Variants in CAMK1D observed in about 807,000 individuals in gnomAD.
The protein encoded by CAMK1D is calcium/calmodulin-dependent protein kinase type 1D.
A neutral mutation model predicts 47.7 loss-of-function variants in CAMK1D; 9 were observed. The observed-to-expected ratio is 0.19, with a 90% CI of 0.11 to 0.33. The LOEUF (loss-of-function observed/expected upper bound fraction) is 0.33. Ranked by LOEUF, CAMK1D falls within the 10% of genes least tolerant of loss-of-function variation. The probability of loss-of-function intolerance (pLI) is 1.00; values close to 1 mark genes in which losing one functional copy is unlikely to be tolerated. For synonymous variants in CAMK1D, 184 were observed against 184.9 expected, an observed-to-expected ratio of 0.99 and a Z score of 0.04; for missense variants, 291 against 488.7, an observed-to-expected ratio of 0.60 and a Z score of 3.81.
chr10:12,380,877 C>T (rs1261709085), intron 1 of CAMK1D, among the ~76,000 whole-genome samples: 1 of 152,058 alleles, frequency 6.6e-6, no homozygotes, highest in Admixed American at 6.6e-5. Context: ...AACAAAAAAA[C>T]AAACCCCACG....
intron 3 of CAMK1D, among the ~76,000 whole-genome samples, chr10:12,745,957 A>G (rs567266833): frequency 6.6e-6 from 1 of 152,174 alleles, no homozygotes; most frequent in Non-Finnish European, 1.5e-5. Context: ...ACAGTCACTT[A>G]GTTGAAAGTA....
At chr10:12,732,565 AG>A (rs1834936993) in intron 3 of CAMK1D, among the ~76,000 whole-genome samples, 1 of 152,004 alleles carries the variant, frequency 6.6e-6, no homozygotes, top group South Asian at 2.1e-4. Flanking sequence ...AATGAGGAGG[AG>A]GCAAAAGTGG....
intron 1 of CAMK1D, among the ~76,000 whole-genome samples, chr10:12,416,930 T>A (rs1839870106): frequency 6.6e-6 from 1 of 152,164 alleles, no homozygotes; most frequent in Non-Finnish European, 1.5e-5. Flanking sequence ...GTGCTAGCGA[T>A]GCTGTAGACG....
chr10:12,641,304 T>A (rs1178042210), intron 2 of CAMK1D, among the ~76,000 whole-genome samples: 1 of 152,146 alleles, frequency 6.6e-6, no homozygotes, highest in African/African-American at 2.4e-5. Context: ...TTTGACTTTT[T>A]AAAAAATTAG....
At chr10:12,693,053 T>C (rs1398701341) in intron 3 of CAMK1D, among the ~76,000 whole-genome samples, 3 of 152,118 alleles carry the variant, frequency 2.0e-5, no homozygotes, top group Admixed American at 2.0e-4. Context: ...GGCCTAATCC[T>C]ATCAGTTGAG....
At chr10:12,602,049 C>T (rs111665306) in intron 2 of CAMK1D, among the ~76,000 whole-genome samples, 134 of 152,330 alleles carry the variant, frequency 8.8e-4, no homozygotes, top group Middle Eastern at 3.4e-3. Context: ...GAATGCCTGT[C>T]TTATGATTTG....
At chr10:12,746,191 C>T (rs1016022440) in intron 3 of CAMK1D, among the ~76,000 whole-genome samples, 4 of 139,426 alleles carry the variant, frequency 2.9e-5, no homozygotes, top group Non-Finnish European at 5.9e-5. Context: ...GGTGAAACCC[C>T]GTCTCTACTA....
At chr10:12,589,655 T>TAA in intron 2 of CAMK1D, among the ~76,000 whole-genome samples, 2 of 152,260 alleles carry the variant, frequency 1.3e-5, no homozygotes, top group African/African-American at 4.8e-5. Context: ...CTGCCTGTCT[T>TAA]AAAAATCAGC....
intron 2 of CAMK1D, among the ~76,000 whole-genome samples, chr10:12,581,752 T>C (rs1837670755): frequency 6.6e-6 from 1 of 152,172 alleles, no homozygotes; most frequent in Non-Finnish European, 1.5e-5. Context: ...TCTTTGTTGC[T>C]GATTTGTTTG....
At chr10:12,660,374 C>T (rs1399957053) in intron 2 of CAMK1D, among the ~76,000 whole-genome samples, 1 of 152,204 alleles carries the variant, frequency 6.6e-6, no homozygotes, top group South Asian at 2.1e-4. Flanking sequence ...CACAGAAGCA[C>T]GTGTAGTCAG....
intron 3 of CAMK1D, among the ~76,000 whole-genome samples, chr10:12,716,106 G>A (rs562622912): frequency 1.3e-5 from 2 of 152,270 alleles, no homozygotes; most frequent in South Asian, 2.1e-4. Context: ...TTCTAGGAAG[G>A]GGGAGAATGA....
intron 1 of CAMK1D, among the ~76,000 whole-genome samples, chr10:12,478,008 CTTTTTTT>C (rs539240317): frequency 8.9e-4 from 126 of 141,146 alleles, no homozygotes; most frequent in Admixed American, 1.7e-3. Flanking sequence ...TTTTCTTTTT[CTTTTTTT>C]TTTTTTTGGA....
At chr10:12,769,900 C>A in intron 5 of CAMK1D, 101 bp downstream of exon 5, 2 of 1,354,842 alleles carry the variant, frequency 1.5e-6, no homozygotes, top group South Asian at 1.4e-5. Context: ...AACATATGAG[C>A]TTGGCATGTA....
intron 1 of CAMK1D, among the ~76,000 whole-genome samples, chr10:12,355,248 TGA>T (rs1324669186): frequency 6.6e-6 from 1 of 152,214 alleles, no homozygotes; most frequent in African/African-American, 2.4e-5. Flanking sequence ...TTTCATTAAA[TGA>T]GTGCCTGCTG....
At chr10:12,663,391 T>A (rs1284531236) in intron 2 of CAMK1D, among the ~76,000 whole-genome samples, 1 of 152,202 alleles carries the variant, frequency 6.6e-6, no homozygotes, top group Non-Finnish European at 1.5e-5. Flanking sequence ...AACCGTATTG[T>A]AGGAAGACTG....
rs1382054169 is a variant in CAMK1D, at chr10:12,452,068, T to A, written c.93-101157T>A. On this transcript the variant is annotated intron_variant, in intron 1 of 10. Transcript: ENST00000619168. The stretch of plus-strand genomic sequence containing the variant: ...CCCACTTGAGAGGGAAGGAGGAGAG[T>A]CTCGTGGAGCAGGCGAGTCAGGTGG... Among the ~76,000 whole-genome samples, 4 of 151,856 alleles carry A rather than the reference T, an allele frequency of 2.6e-5. No homozygotes were observed. In the East Asian group the frequency reaches 7.7e-4, roughly 29 times the overall value.
chr10:12,502,031 G>GAGGGCAGGCAGCCACC (rs71877000), intron 1 of CAMK1D, among the ~76,000 whole-genome samples: 1 of 152,054 alleles, frequency 6.6e-6, no homozygotes, highest in East Asian at 1.9e-4. Context: ...CAGCTGCAGG[G>GAGGGCAGGCAGCCACC]AGGGCAGGCA....
At chr10:12,652,123 G>C (rs1839989944) in intron 2 of CAMK1D, among the ~76,000 whole-genome samples, 1 of 152,080 alleles carries the variant, frequency 6.6e-6, no homozygotes, top group South Asian at 2.1e-4. Context: ...ATTTGAAAAT[G>C]TGTCAGTAAT....
intron 3 of CAMK1D, among the ~76,000 whole-genome samples, chr10:12,708,870 C>G (rs1332915648): frequency 6.6e-6 from 1 of 152,174 alleles, no homozygotes; most frequent in East Asian, 1.9e-4. Flanking sequence ...TGGCTCATAT[C>G]TGTAATCCCA....
Sources: allele counts gnomAD v4.1 joint callset (sites outside exome capture counted in the v4.1 genomes callset), GRCh38; gene constraint gnomAD v4.1.1; transcripts MANE v1.5; gene names NCBI Gene and HGNC (gene_info 2026-07-23, HGNC 2026-07-21).